Variants in PPP2R3B observed in about 807,000 individuals in gnomAD.
PPP2R3B encodes protein phosphatase 2 regulatory subunit B''beta, also known as serine/threonine-protein phosphatase 2A regulatory subunit B'' subunit beta.
PPP2R3B carries 68 observed loss-of-function variants against 72.9 expected under a neutral mutation model. The ratio of observed to expected loss-of-function variants is 0.93; its 90% confidence interval spans 0.77 to 1.14. PPP2R3B has a LOEUF of 1.14. PPP2R3B is among the 50% of genes most tolerant of loss of function. The pLI, the probability that PPP2R3B is intolerant of heterozygous loss-of-function variation, is 0.00. For synonymous variants in PPP2R3B, 466 were observed against 375.8 expected (o/e 1.24, Z -2.78); for missense variants, 1,018 against 842.0 (o/e 1.21, Z -2.59).
intron 2 of PPP2R3B, among the ~76,000 whole-genome samples, chrX:351,039 G>A (rs1229314259): frequency 6.6e-6 from 1 of 152,186 alleles, no homozygotes; most frequent in Non-Finnish European, 1.5e-5. Context: ...TGCAGAGGGG[G>A]CTGCGCGCCA....
At chrX:345,428 A>G (rs2124623676) in intron 7 of PPP2R3B, 88 bp downstream of exon 7, 1 of 1,550,940 alleles carries the variant, frequency 6.4e-7, no homozygotes, top group Non-Finnish European at 8.8e-7. Flanking sequence ...GGGAGTGCGG[A>G]AGGAGAGGCA....
chrX:357,918 CAGG>C (rs1045926302), intron 2 of PPP2R3B, among the ~76,000 whole-genome samples: 31 of 152,166 alleles, frequency 2.0e-4, no homozygotes, highest in Admixed American at 6.5e-4. Context: ...AGAACCGGGC[CAGG>C]AGAAGGCACA....
chrX:341,709 AC>A (rs35670106), intron 8 of PPP2R3B, 173 bp downstream of exon 8: 210,957 of 711,868 alleles, frequency 0.3, 30,717 homozygotes, highest in Middle Eastern at 0.34. Context: ...GTCTTGTGCC[AC>A]CCCCCCCCAC....
intron 1 of PPP2R3B, among the ~76,000 whole-genome samples, chrX:367,059 A>T (rs1283928017): frequency 7.3e-6 from 1 of 137,510 alleles, no homozygotes; most frequent in Non-Finnish European, 1.5e-5. Context: ...ATACTTGGAC[A>T]TTTTTAGCCC....
chrX:361,770 C>G (rs2071546831), intron 1 of PPP2R3B, among the ~76,000 whole-genome samples, 180 bp from the exon 2 acceptor site: 1 of 152,182 alleles, frequency 6.6e-6, no homozygotes, highest in Non-Finnish European at 1.5e-5. Context: ...CAGGGCCCAC[C>G]TTCACCCAGG....
intron 2 of PPP2R3B, among the ~76,000 whole-genome samples, chrX:361,118 G>A (rs1017979937): frequency 3.3e-5 from 5 of 152,168 alleles, no homozygotes; most frequent in African/African-American, 7.2e-5. Context: ...GGCACAGGGC[G>A]GGCCTGCGCT....
At position 377,887 on chromosome X, in the gene PPP2R3B, A is replaced by G. The variant is rs1287747442; in HGVS notation, c.324+8481T>C. Among the ~76,000 whole-genome samples the G allele has an allele frequency of 2.9e-5, 3 of 102,192 alleles. 1 individual carries two copies. Among genetic ancestry groups the G allele is most frequent in the Non-Finnish European group, 5.8e-5 (3 of 51,792 alleles). The allele number at this position is 102,192 out of a possible 152,430, so 67.0% of individuals were successfully genotyped here. On this transcript the variant is annotated intron_variant, in intron 1 of 12. Transcript: ENST00000390665. Reference sequence around the variant, plus strand: ...TCCGCCGTGGGGCTGTCTATACACTACTGTGTACAGGGACGGGCCATCCAC... The same window carrying G: ...TCCGCCGTGGGGCTGTCTATACACTGCTGTGTACAGGGACGGGCCATCCAC...
chrX:349,927 C>T (rs1239108357), intron 2 of PPP2R3B, among the ~76,000 whole-genome samples: 2 of 152,150 alleles, frequency 1.3e-5, no homozygotes, highest in Non-Finnish European at 2.9e-5. Flanking sequence ...GACCCAGAGT[C>T]CACGCGATCC....
intron 1 of PPP2R3B, among the ~76,000 whole-genome samples, chrX:380,213 GA>G (rs1324310370): frequency 6.6e-6 from 1 of 152,062 alleles, no homozygotes; most frequent in Admixed American, 6.6e-5. Context: ...AGTCATAAAA[GA>G]AAAAAGTTGA....
At chrX:337,007 T>C (rs1415319756) in intron 12 of PPP2R3B, 1 of 152,156 alleles carries the variant, frequency 6.6e-6, no homozygotes. Context: ...CGGGCTGGAG[T>C]GCAGTGGCGC....
intron 7 of PPP2R3B, among the ~76,000 whole-genome samples, chrX:344,607 T>G (rs1242229433): frequency 6.6e-6 from 1 of 152,242 alleles, no homozygotes; most frequent in Non-Finnish European, 1.5e-5. Context: ...CGCCTGGTTC[T>G]GGGCCGATTC....
intron 8 of PPP2R3B, 168 bp from the exon 9 acceptor site, chrX:341,564 C>G (rs2071077850): frequency 6.8e-6 from 5 of 738,244 alleles, no homozygotes; most frequent in Non-Finnish European, 1.2e-5. Flanking sequence ...GTGGAGGCCC[C>G]GTGGCCAGAG....
intron 1 of PPP2R3B, chrX:373,553 C>A: frequency 3.9e-6 from 1 of 259,124 alleles, no homozygotes; most frequent in Non-Finnish European, 8.3e-6. Flanking sequence ...CCTTCAGCCG[C>A]TTCTTGAACC....
At chrX:344,347 C>G (rs2124615385) in intron 7 of PPP2R3B, among the ~76,000 whole-genome samples, 1 of 152,314 alleles carries the variant, frequency 6.6e-6, no homozygotes, top group African/African-American at 2.4e-5. Context: ...CAACGGGAGG[C>G]AGGAGTGAAA....
intron 2 of PPP2R3B, among the ~76,000 whole-genome samples, chrX:360,955 A>C (rs1171363336): frequency 6.6e-6 from 1 of 150,528 alleles, no homozygotes; most frequent in African/African-American, 2.4e-5. Context: ...AAATGGGCCC[A>C]TGGGGCTGCT....
At chrX:362,157 C>T (rs2071555319) in intron 1 of PPP2R3B, 2 of 165,672 alleles carry the variant, frequency 1.2e-5, no homozygotes, top group African/African-American at 2.4e-5. Context: ...ACGCCTCAGC[C>T]CCTCACCCGG....
intron 12 of PPP2R3B, 180 bp downstream of exon 12, chrX:338,424 T>A (rs1274678125): frequency 9.2e-6 from 6 of 651,880 alleles, no homozygotes; most frequent in Non-Finnish European, 1.6e-5. Flanking sequence ...TGTCATCGGC[T>A]GTCCTTACCT....
At chrX:341,480 G>A in intron 8 of PPP2R3B, 84 bp from the exon 9 acceptor site, 1 of 1,433,448 alleles carries the variant, frequency 7.0e-7, no homozygotes, top group Non-Finnish European at 9.8e-7. Flanking sequence ...ACGCGCCTCG[G>A]TGAGGGGAGC....
At chrX:356,582 C>G (rs1308198748) in intron 2 of PPP2R3B, among the ~76,000 whole-genome samples, 1 of 152,158 alleles carries the variant, frequency 6.6e-6, no homozygotes, top group East Asian at 1.9e-4. Flanking sequence ...CAGAGCTCAC[C>G]TCTGCGGTAT....
Sources: allele counts gnomAD v4.1 joint callset (sites outside exome capture counted in the v4.1 genomes callset), GRCh38; gene constraint gnomAD v4.1.1; transcripts MANE v1.5; gene names NCBI Gene and HGNC (gene_info 2026-07-23, HGNC 2026-07-21).